The following RNF152 variants were observed in gnomAD, a reference collection of about 807,000 sequenced individuals.
The protein encoded by RNF152 is ring finger protein 152.
In RNF152, 11 loss-of-function variants were observed where a neutral mutation model predicts 12.7. The ratio of observed to expected loss-of-function variants is 0.86; its 90% CI spans 0.54 to 1.43. The LOEUF is 1.43. Ranked by LOEUF, RNF152 falls within the 40% of genes most tolerant of loss-of-function variation. The pLI is 0.00. For missense variants in RNF152, 255 were observed against 274.8 expected, an observed-to-expected ratio of 0.93 and a Z score of 0.51; for synonymous variants, 113 against 120.3, an observed-to-expected ratio of 0.94 and a Z score of 0.40.
chr18:61,862,948 C>T (rs1911555852), intron 1 of RNF152, among the ~76,000 whole-genome samples: 1 of 152,112 alleles, frequency 6.6e-6, no homozygotes, highest in Admixed American at 6.5e-5. Flanking sequence ...TTAGAGGATA[C>T]TCAGCTGGTG....
intron 1 of RNF152, among the ~76,000 whole-genome samples, chr18:61,825,036 A>G (rs1354100503): frequency 6.6e-6 from 1 of 152,254 alleles, no homozygotes. Flanking sequence ...TGACAAATCA[A>G]GCACACAGGG....
At chr18:61,857,549 G>A (rs1911280080) in intron 1 of RNF152, among the ~76,000 whole-genome samples, 1 of 152,114 alleles carries the variant, frequency 6.6e-6, no homozygotes, top group Admixed American at 6.5e-5. Context: ...ACAATCTGTT[G>A]TTATTGCTAT....
intron 1 of RNF152, among the ~76,000 whole-genome samples, chr18:61,818,762 A>G (rs1254212561): frequency 5.3e-5 from 8 of 152,146 alleles, no homozygotes; most frequent in Non-Finnish European, 1.2e-4. Context: ...ACACGAATAT[A>G]TTTTTTCTTT....
chr18:61,847,831 G>A (rs1042479790), intron 1 of RNF152, among the ~76,000 whole-genome samples: 1 of 151,878 alleles, frequency 6.6e-6, no homozygotes, highest in Non-Finnish European at 1.5e-5. Flanking sequence ...CCCTCTGCTT[G>A]GAATCTCTGC....
At chr18:61,819,547 C>T (rs1246443523) in intron 1 of RNF152, among the ~76,000 whole-genome samples, 1 of 152,146 alleles carries the variant, frequency 6.6e-6, no homozygotes, top group Non-Finnish European at 1.5e-5. Flanking sequence ...CCAGCAGGAT[C>T]TTGCAGGGTA....
intron 1 of RNF152, among the ~76,000 whole-genome samples, chr18:61,853,297 T>C (rs1055729193): frequency 9.6e-5 from 6 of 62,412 alleles, no homozygotes; most frequent in Non-Finnish European, 4.4e-5. Flanking sequence ...TTCCTTGCCC[T>C]TTTTTTTTTT....
At chr18:61,852,697 T>G (rs1259434710) in intron 1 of RNF152, among the ~76,000 whole-genome samples, 1 of 152,238 alleles carries the variant, frequency 6.6e-6, no homozygotes, top group Non-Finnish European at 1.5e-5. Flanking sequence ...CCTGAGGTTC[T>G]GATTCAATTG....
chr18:61,878,070 A>G (rs940958292), intron 1 of RNF152, among the ~76,000 whole-genome samples: 1 of 152,230 alleles, frequency 6.6e-6, no homozygotes, highest in African/African-American at 2.4e-5. Flanking sequence ...AAAGAGAACG[A>G]GGGTAGAAAA....
chr18:61,839,026 T>C (rs1021626698), intron 1 of RNF152, among the ~76,000 whole-genome samples: 2 of 144,536 alleles, frequency 1.4e-5, no homozygotes, highest in South Asian at 4.4e-4. Flanking sequence ...TCAGTAAACA[T>C]AATGTTCATC....
intron 1 of RNF152, among the ~76,000 whole-genome samples, chr18:61,876,949 T>C (rs557214006): frequency 7.9e-5 from 12 of 152,198 alleles, no homozygotes; most frequent in African/African-American, 2.9e-4. Flanking sequence ...ACTTGACCAT[T>C]GTATCCTCAA....
At chr18:61,891,976 C>A (rs1912979715) in intron 1 of RNF152, among the ~76,000 whole-genome samples, 1 of 152,184 alleles carries the variant, frequency 6.6e-6, no homozygotes, top group African/African-American at 2.4e-5. Context: ...GGACTCTGCC[C>A]TCTAGCAGAA....
chr18:61,889,290 T>C (rs933312349), intron 1 of RNF152, among the ~76,000 whole-genome samples: 1 of 152,208 alleles, frequency 6.6e-6, no homozygotes, highest in African/African-American at 2.4e-5. Context: ...TTTATAAAAA[T>C]GACTTTGCCA....
intron 1 of RNF152, among the ~76,000 whole-genome samples, chr18:61,847,227 A>AAAGCAAAAATACATCTAAC (rs1225506159): frequency 2.0e-5 from 3 of 152,214 alleles, no homozygotes; most frequent in Non-Finnish European, 4.4e-5. Flanking sequence ...GTAACATTTA[A>AAAGCAAAAATACATCTAAC]AAGCAAAAAT....
intron 1 of RNF152, among the ~76,000 whole-genome samples, chr18:61,853,988 G>A (rs1443083136): frequency 6.6e-6 from 1 of 152,118 alleles, no homozygotes; most frequent in Admixed American, 6.5e-5. Flanking sequence ...TCAGGCTCAA[G>A]GTTGCCTGAG....
At chr18:61,868,658 A>G (rs114879065) in intron 1 of RNF152, among the ~76,000 whole-genome samples, 4,856 of 152,168 alleles carry the variant, frequency 0.032, 269 homozygotes, top group African/African-American at 0.11. Flanking sequence ...AGCCAAGATC[A>G]CCCATTGCAC....
intron 1 of RNF152, among the ~76,000 whole-genome samples, chr18:61,820,147 G>A (rs1909318402): frequency 6.6e-6 from 1 of 150,536 alleles, no homozygotes; most frequent in African/African-American, 2.4e-5. Context: ...GGCTAATATG[G>A]TGAAACCCCG....
At chr18:61,819,861 A>C (rs1252832048) in intron 1 of RNF152, among the ~76,000 whole-genome samples, 1 of 151,836 alleles carries the variant, frequency 6.6e-6, no homozygotes, top group African/African-American at 2.4e-5. Flanking sequence ...TCTCTACTAA[A>C]AATAAAAAAA....
chr18:61,874,809 T>A (rs1018769948), intron 1 of RNF152, among the ~76,000 whole-genome samples: 2 of 152,242 alleles, frequency 1.3e-5, no homozygotes, highest in African/African-American at 4.8e-5. Flanking sequence ...GTTTTCAGGA[T>A]ATTGAAGTCA....
rs115432255 is a variant in RNF152, at chr18:61,863,482, C to T, written c.-136+29313G>A. The stretch of plus-strand genomic sequence containing the variant: ...AGCCCCTTGACTTTTTTCAGTTGTT[C>T]AGGTAACATCACTGTAGACACAATC... On this transcript the variant is annotated intron_variant, in intron 1 of 1. Coordinates refer to ENST00000312828, the MANE Select transcript of RNF152 (RefSeq NM_173557.3). 4.2e-3 allele frequency among the ~76,000 whole-genome samples: 624 copies of T among 149,656 alleles called. 2 individuals carry two copies. The highest frequency in any genetic ancestry group is 0.014 in the African/African-American group (549 of 40,618).
Sources: allele counts gnomAD v4.1 joint callset (sites outside exome capture counted in the v4.1 genomes callset), GRCh38; gene constraint gnomAD v4.1.1; transcripts MANE v1.5; gene names NCBI Gene and HGNC (gene_info 2026-07-23, HGNC 2026-07-21).